The following MOCOS variants were observed in gnomAD, a reference collection of about 807,000 sequenced individuals.
The protein encoded by MOCOS is molybdenum cofactor sulfurase.
A neutral mutation model predicts 83.6 loss-of-function variants in MOCOS; 86 were observed. That is an observed-to-expected ratio of 1.03 (90% confidence interval 0.86 to 1.23). MOCOS has a LOEUF of 1.23. Ranked by LOEUF, MOCOS falls within the 50% of genes most tolerant of loss-of-function variation. The pLI, the probability that MOCOS is intolerant of heterozygous loss-of-function variation, is 0.00. For synonymous variants in MOCOS, 445 were observed against 434.7 expected, an observed-to-expected ratio of 1.02 and a Z score of -0.29; for missense variants, 1,120 against 1,126.9, an observed-to-expected ratio of 0.99 and a Z score of 0.09.
At chr18:36,214,738 G>A (rs942277979) in intron 7 of MOCOS, among the ~76,000 whole-genome samples, 2 of 152,090 alleles carry the variant, frequency 1.3e-5, no homozygotes, top group African/African-American at 4.8e-5. Flanking sequence ...AGAGGGAGGA[G>A]ATAGGAGAGA....
chr18:36,263,624 G>A (rs971135880), intron 13 of MOCOS, among the ~76,000 whole-genome samples: 8 of 152,130 alleles, frequency 5.3e-5, no homozygotes, highest in Admixed American at 5.2e-4. Context: ...TGGTTTGGAT[G>A]TCCTAGGATG....
rs2091658460 is a variant in MOCOS at position 36,260,153 on chromosome 18, C to T, written c.2387C>T (p.Ser796Leu). 2.5e-6 allele frequency: 4 copies of T among 1,614,022 alleles called. No individual in the cohort carries two copies. In the South Asian group the frequency reaches 4.4e-5, roughly 18 times the overall value. The change falls in exon 13 of 15, where the codon TCA (serine) becomes TTA (leucine). Residue 796 changes from serine (S) to leucine (L), a missense_variant. Ser to Leu is a moderately radical substitution (Grantham distance 145). Coordinates refer to ENST00000261326, the MANE Select transcript of MOCOS (RefSeq NM_017947.4). ...GAAGAAGAGAAATGGGATGAGATTT[C>T]AATTGGCTCTTTGCGTTTCCAGGTA... ...AFEEEKWDEI[S>L]IGSLRFQVLG...
rs1484361915 is a variant in MOCOS at position 36,248,925 on chromosome 18, T to A, written c.1964T>A (p.Met655Lys). The change falls in exon 10 of 15, where the codon ATG (methionine) becomes AAG (lysine). Residue 655 changes from methionine (M) to lysine (K), a missense_variant. Coordinates refer to ENST00000261326, the MANE Select transcript of MOCOS (RefSeq NM_017947.4). Reference sequence around the variant, plus strand: ...GTTTTTAACCTTTGTTCATTAGGGATGGAGCCTATAGAGGTGCCTCTTGAG... The same window carrying A: ...GTTTTTAACCTTTGTTCATTAGGGAAGGAGCCTATAGAGGTGCCTCTTGAG... ...QRIMVIKAKG[M>K]EPIEVPLEEN... 1 of 1,613,588 alleles carries A rather than the reference T, an allele frequency of 6.2e-7. No individual in the cohort carries two copies. The highest frequency in any genetic ancestry group is 8.5e-7 in the Non-Finnish European group (1 of 1,179,606).
At chr18:36,252,244 G>T (rs775344728) in intron 11 of MOCOS, among the ~76,000 whole-genome samples, 4 of 152,056 alleles carry the variant, frequency 2.6e-5, no homozygotes, top group Non-Finnish European at 4.4e-5. Flanking sequence ...TTAGAGTTTG[G>T]GTGTGGTAGC....
At chr18:36,211,977 C>T (rs1353956186) in intron 6 of MOCOS, among the ~76,000 whole-genome samples, 1 of 152,198 alleles carries the variant, frequency 6.6e-6, no homozygotes, top group Non-Finnish European at 1.5e-5. Context: ...GCTACTGTCT[C>T]GAGCCCTGAG....
chr18:36,226,980 A>C (rs1474947252), intron 9 of MOCOS, among the ~76,000 whole-genome samples: 1 of 147,610 alleles, frequency 6.8e-6, no homozygotes, highest in African/African-American at 2.5e-5. Flanking sequence ...TCTGCCACCT[A>C]GGCTCAAGCA....
intron 13 of MOCOS, among the ~76,000 whole-genome samples, chr18:36,265,120 G>A (rs1207234156): frequency 6.6e-6 from 1 of 151,464 alleles, no homozygotes; most frequent in African/African-American, 2.4e-5. Context: ...GTTCATTGGT[G>A]GAGACGCTGT....
In MOCOS at chr18:36,199,737, C is replaced by T. The variant is rs777970237; in HGVS notation, c.354C>T (p.Ala118=). 1.7e-4 allele frequency: 272 copies of T among 1,614,020 alleles called. No individual in the cohort carries two copies. Among genetic ancestry groups the T allele is most frequent in the Non-Finnish European group, 2.1e-4 (248 of 1,180,050 alleles). Residue 118 remains alanine, a synonymous_variant, in exon 4 of 15, where the codon GCC becomes GCT. Coordinates refer to ENST00000261326, the MANE Select transcript of MOCOS (RefSeq NM_017947.4). ...TAEDYTVIFT[A]GSTAALKLVA... ...AAGACTACACTGTGATCTTCACTGCCGGGAGCACGGCTGCTCTCAAACTGG... is the reference window on the plus strand; with the variant it reads ...AAGACTACACTGTGATCTTCACTGCTGGGAGCACGGCTGCTCTCAAACTGG...
Position 36,214,731 on chromosome 18 carries a change from G to A in MOCOS, c.1336-785G>A, listed in dbSNP as rs190356013. Among the ~76,000 whole-genome samples, 486 of 152,236 alleles carry A rather than the reference G, an allele frequency of 3.2e-3. 4 individuals are homozygous for A. Among genetic ancestry groups the A allele is most frequent in the African/African-American group, 0.011 (459 of 41,534 alleles). Reference sequence around the variant, plus strand: ...GAAAGAGGGATAGGACAGAAGGAGAGGGAGGAGATAGGAGAGAGGGAGGAG... The same window carrying A: ...GAAAGAGGGATAGGACAGAAGGAGAAGGAGGAGATAGGAGAGAGGGAGGAG... On this transcript the variant is annotated intron_variant, in intron 7 of 14. Coordinates refer to ENST00000261326, the MANE Select transcript of MOCOS (RefSeq NM_017947.4).
chr18:36,229,548 AT>A, intron 9 of MOCOS, among the ~76,000 whole-genome samples: 1 of 151,926 alleles, frequency 6.6e-6, no homozygotes, highest in East Asian at 1.9e-4. Flanking sequence ...TTCTTCCTGG[AT>A]TTGGGAAGTT....
chr18:36,260,340 A>G (rs2091659304), intron 13 of MOCOS, among the ~76,000 whole-genome samples, 165 bp downstream of exon 13: 1 of 152,156 alleles, frequency 6.6e-6, no homozygotes, highest in South Asian at 2.1e-4. Flanking sequence ...AAGACACCCC[A>G]TGGAATAATC....
At chr18:36,197,963 A>G (rs182679911) in intron 2 of MOCOS, among the ~76,000 whole-genome samples, 1 of 152,294 alleles carries the variant, frequency 6.6e-6, no homozygotes, top group East Asian at 1.9e-4. Context: ...TATCTCTACA[A>G]TTCTTTTGCT....
At chr18:36,266,703 C>G in intron 13 of MOCOS, 46 bp from the exon 14 acceptor site, 1 of 1,532,716 alleles carries the variant, frequency 6.5e-7, no homozygotes, top group Non-Finnish European at 9.0e-7. Context: ...GTGCAAGGCT[C>G]TGGTCACTTT....
Position 36,203,190 on chromosome 18 carries a change from GTC to G in MOCOS, c.1018+2_1018+3del. The G allele has an allele frequency of 6.2e-7, 1 of 1,613,344 alleles. No individual in the cohort carries two copies. Among genetic ancestry groups the G allele is most frequent in the Non-Finnish European group, 8.5e-7 (1 of 1,179,292 alleles). On this transcript the variant is annotated splice_donor_variant and splice_donor_region_variant and intron_variant, in intron 5 of 14. Coordinates refer to ENST00000261326, the MANE Select transcript of MOCOS (RefSeq NM_017947.4). LOFTEE classifies it high-confidence loss of function. ...TTTGACACCCTAGAGCGCCTCACAG[GTC>G]AGTGGACATTTCTATCCCTGTGGAA...
At chr18:36,198,259 T>G (rs73430958) in intron 2 of MOCOS, among the ~76,000 whole-genome samples, 13,129 of 152,034 alleles carry the variant, frequency 0.086, 746 homozygotes, top group East Asian at 0.15. Flanking sequence ...CAGGTGTAGT[T>G]GTGCACACCT....
rs55701019 is a variant in MOCOS, at chr18:36,248,953, A to G, written c.1992A>G (p.Glu664=). The stretch of plus-strand genomic sequence containing the variant: ...AGCCTATAGAGGTGCCTCTTGAGGA[A>G]AATAGTGAACGGACTCAGATTCGCC... ...GMEPIEVPLE[E]NSERTQIRQS... is the part of the protein sequence containing the mutation. Residue 664 remains glutamate (E), a synonymous_variant, in exon 10 of 15, where the codon GAA becomes GAG. Coordinates refer to ENST00000261326, the MANE Select transcript of MOCOS (RefSeq NM_017947.4). The G allele has an allele frequency of 1.1e-3, 1,740 of 1,614,194 alleles. 21 individuals carry two copies. The African/African-American group carries it at 0.019, about 17-fold the overall frequency.
intron 6 of MOCOS, among the ~76,000 whole-genome samples, chr18:36,212,614 C>T (rs569527154): frequency 6.6e-6 from 1 of 152,180 alleles, no homozygotes; most frequent in Non-Finnish European, 1.5e-5. Flanking sequence ...TTCTCACACA[C>T]CAGAGGAGAT....
chr18:36,207,475 C>T (rs896510085), intron 6 of MOCOS, among the ~76,000 whole-genome samples: 7 of 151,964 alleles, frequency 4.6e-5, no homozygotes, highest in African/African-American at 1.7e-4. Flanking sequence ...AATTTTTGAC[C>T]TTTTAATAGC....
At chr18:36,264,687 C>T (rs1182511862) in intron 13 of MOCOS, among the ~76,000 whole-genome samples, 1 of 151,886 alleles carries the variant, frequency 6.6e-6, no homozygotes, top group Non-Finnish European at 1.5e-5. Flanking sequence ...TGGGTGCTTA[C>T]GTGGCCTGGG....
Sources: allele counts gnomAD v4.1 joint callset (sites outside exome capture counted in the v4.1 genomes callset), GRCh38; gene constraint gnomAD v4.1.1; transcripts MANE v1.5; gene names NCBI Gene and HGNC (gene_info 2026-07-23, HGNC 2026-07-21).